The following BTK variants were observed in gnomAD, a reference collection of about 807,000 sequenced individuals.
The protein encoded by BTK is tyrosine-protein kinase BTK.
BTK carries 5 observed loss-of-function variants against 57.4 expected under a neutral mutation model. The ratio of observed to expected loss-of-function variants is 0.09; its 90% CI spans 0.05 to 0.18. BTK has a LOEUF of 0.18. BTK is among the 10% of genes least tolerant of loss of function. BTK has a pLI of 1.00. For missense variants in BTK, 194 were observed against 501.2 expected (o/e 0.39, Z 5.85); for synonymous variants, 154 against 174.3 (o/e 0.88, Z 0.92).
rs1555980038 is a variant in BTK, at chrX:101,369,979, T to A, written c.391+19A>T. On this transcript the variant is annotated intron_variant, in intron 5 of 18. Transcript: ENST00000308731. ...TTCCTTCTTTCTTTGGAAACATTTA[T>A]TTTCCAAATAATTCTCACCGTTTTT... 2 of 1,188,589 alleles carry A rather than the reference T, an allele frequency of 1.7e-6. No homozygotes were observed. The highest frequency in any genetic ancestry group is 4.4e-5 in the Admixed American group (2 of 45,865).
At chrX:101,360,270 C>T in intron 8 of BTK, 120 bp from the exon 9 acceptor site, 1 of 576,331 alleles carries the variant, frequency 1.7e-6, no homozygotes, top group Non-Finnish European at 3.0e-6. Context: ...GTATCATGCA[C>T]CTCCCTCAAA....
Position 101,350,359 on chromosome X carries a change from C to G in BTK, c.1909-403G>C, listed in dbSNP as rs919298345. 1.8e-5 allele frequency among the ~76,000 whole-genome samples: 2 copies of G among 108,126 alleles called. 1 individual carries two copies. Among genetic ancestry groups the G allele is most frequent in the East Asian group, 5.8e-4 (2 of 3,453 alleles). 93.9% of individuals were successfully genotyped at this position (108,126 alleles called of 115,157 possible). On this transcript the variant is annotated intron_variant, in intron 18 of 18. Transcript: ENST00000308731. ...TTTTTAGTGATTAATATTTCAAAAC[C>G]ACAGGCTGTATTACTGAGCAGGGAT...
At chrX:101,354,080 C>G in intron 16 of BTK, 92 bp from the exon 17 acceptor site, 1 of 651,846 alleles carries the variant, frequency 1.5e-6, no homozygotes, top group Non-Finnish European at 2.6e-6. Flanking sequence ...GTCACAAACA[C>G]ACACAGGCTT....
At chrX:101,359,151 C>CA (rs1158706204) in intron 10 of BTK, 142 bp downstream of exon 10, 45 of 698,590 alleles carry the variant, frequency 6.4e-5, no homozygotes, top group African/African-American at 4.7e-4. Context: ...AAAACAAAAA[C>CA]AAAAAAAATG....
Position 101,356,299 on chromosome X carries a change from C to T in BTK, c.1350-31G>A, listed in dbSNP as rs782459493. ...GGAAAGGCAAGGAACTAGTCTTCTC[C>T]TTTTGGCTCTGCATAATAGCAATAA... is the stretch of plus-strand genomic sequence containing the variant. On this transcript the variant is annotated intron_variant, in intron 14 of 18. Transcript: ENST00000308731. 30 of 1,162,920 alleles carry T rather than the reference C, an allele frequency of 2.6e-5. No homozygotes were observed. In the South Asian group the frequency reaches 4.8e-4, roughly 19 times the overall value.
At chrX:101,360,544 C>A in intron 8 of BTK, 24 bp downstream of exon 8, 1 of 1,205,424 alleles carries the variant, frequency 8.3e-7, no homozygotes. Flanking sequence ...GCACCAGGCT[C>A]AGGAAGGGCT....
intron 2 of BTK, 68 bp downstream of exon 2, chrX:101,375,076 C>T: frequency 1.7e-6 from 2 of 1,189,927 alleles, no homozygotes; most frequent in Non-Finnish European, 2.3e-6. Flanking sequence ...TTTACCTCTT[C>T]CCCAAGAAAG....
intron 17 of BTK, 118 bp from the exon 18 acceptor site, chrX:101,353,469 T>A: frequency 2.5e-6 from 2 of 810,474 alleles, no homozygotes; most frequent in East Asian, 6.4e-5. Context: ...CTGTGCTTTT[T>A]ATATTTTGCC....
intron 5 of BTK, 168 bp from the exon 6 acceptor site, chrX:101,362,857 T>C: frequency 1.6e-6 from 1 of 643,810 alleles, no homozygotes; most frequent in Non-Finnish European, 2.5e-6. Flanking sequence ...CTGGCCTGCC[T>C]GACTGTGCCC....
chrX:101,384,251 A>C (rs1459192685), intron 1 of BTK, among the ~76,000 whole-genome samples: 1 of 112,204 alleles, frequency 8.9e-6, no homozygotes, highest in Non-Finnish European at 1.9e-5. Flanking sequence ...AAATTGCACC[A>C]ATCCCCCATA....
Position 101,356,341 on chromosome X carries a change from G to A in BTK, c.1350-73C>T, listed in dbSNP as rs1455627947. 8.8e-6 allele frequency: 8 copies of A among 909,611 alleles called. No individual in the cohort carries two copies. The African/African-American group carries it at 1.4e-4, about 16-fold the overall frequency. The allele number at this position is 909,611 out of a possible 1,213,427, so 75.0% of individuals were successfully genotyped here. A position where few individuals can be genotyped will look rare whatever the true frequency, so the allele number is the denominator to read the frequency against. On this transcript the variant is annotated intron_variant, in intron 14 of 18. Coordinates refer to ENST00000308731, the MANE Select transcript of BTK (RefSeq NM_000061.3). ...TAGCAATAAAGGGGCTGGGGAGGAA[G>A]GGGCTGACCTAGGAGTAGAGCATCA...
chrX:101,374,483 G>A, intron 3 of BTK, 53 bp downstream of exon 3: 1 of 1,023,499 alleles, frequency 9.8e-7, no homozygotes, highest in Non-Finnish European at 1.4e-6. Context: ...TTTAAATGTT[G>A]CAAATTTCTT....
At chrX:101,369,025 A>G (rs1264890786) in intron 5 of BTK, among the ~76,000 whole-genome samples, 1 of 112,395 alleles carries the variant, frequency 8.9e-6, no homozygotes, top group Admixed American at 9.4e-5. Context: ...TCTCTCAGTC[A>G]CTTGACATGT....
chrX:101,384,009 T>C (rs1555982174), intron 1 of BTK, among the ~76,000 whole-genome samples: 3 of 111,656 alleles, frequency 2.7e-5, no homozygotes, highest in African/African-American at 9.8e-5. Context: ...TCACTGAAAA[T>C]TCTAGTTCTT....
chrX:101,350,727 G>T (rs782384769), intron 18 of BTK, among the ~76,000 whole-genome samples: 1 of 110,183 alleles, frequency 9.1e-6, no homozygotes, highest in Admixed American at 9.7e-5. Flanking sequence ...GATTACAGGC[G>T]TGAGCCACCG....
chrX:101,349,779 TG>T lies in BTK; in HGVS notation c.*105del. 1 of 675,041 alleles carries T rather than the reference TG, an allele frequency of 1.5e-6. No homozygotes were observed. The highest frequency in any genetic ancestry group is 2.4e-6 in the Non-Finnish European group (1 of 418,213). 55.6% of individuals were successfully genotyped at this position (675,041 alleles called of 1,213,427 possible). A position where few individuals can be genotyped will look rare whatever the true frequency, so the allele number is the denominator to read the frequency against. On this transcript the variant is annotated 3_prime_UTR_variant, in exon 19 of 19. Transcript: ENST00000308731. ...TAGAGAGGGGCCTTTTTGTATTGAGTGGGAGCACAAAGGCTCCAGGGCTCCT... is the reference window on the plus strand; with the variant it reads ...TAGAGAGGGGCCTTTTTGTATTGAGTGGAGCACAAAGGCTCCAGGGCTCCT...
At chrX:101,366,133 G>A (rs1045963703) in intron 5 of BTK, among the ~76,000 whole-genome samples, 2 of 111,526 alleles carry the variant, frequency 1.8e-5, no homozygotes, top group Admixed American at 1.9e-4. Context: ...TTAGCTGGGC[G>A]TGGTGGTGAG....
intron 5 of BTK, among the ~76,000 whole-genome samples, chrX:101,363,453 G>T (rs1555978980): frequency 1.8e-5 from 2 of 111,699 alleles, no homozygotes; most frequent in African/African-American, 6.5e-5. Context: ...AGACGCGGTG[G>T]CTCACGCCTG....
chrX:101,372,910 C>T (rs1555980580), intron 3 of BTK, among the ~76,000 whole-genome samples: 1 of 106,131 alleles, frequency 9.4e-6, no homozygotes, highest in African/African-American at 3.4e-5. Context: ...CTGGTGAAAC[C>T]CCATCTCTAC....
Sources: gnomAD v4.1 joint callset for allele counts (sites outside exome capture counted in the v4.1 genomes callset) on GRCh38, gnomAD v4.1.1 for gene constraint, MANE v1.5 for transcripts, NCBI Gene and HGNC (gene_info 2026-07-23, HGNC 2026-07-21) for gene names.